CERKL: variants seen among roughly 807,000 people sequenced by gnomAD.
CERKL encodes the protein CERK like autophagy regulator.
A neutral mutation model predicts 63.4 loss-of-function variants in CERKL; 61 were observed. That is an observed-to-expected ratio of 0.96 (90% CI 0.78 to 1.19). The LOEUF (loss-of-function observed/expected upper bound fraction) is 1.19. Ranked by LOEUF, CERKL falls within the 50% of genes most tolerant of loss-of-function variation. The pLI, the probability that CERKL is intolerant of heterozygous loss-of-function variation, is 0.00. For missense variants in CERKL, 675 were observed against 655.5 expected (o/e 1.03, Z -0.33); for synonymous variants, 250 against 230.5 (o/e 1.08, Z -0.77).
chr2:181,638,787 T>C (rs1328465771), intron 1 of CERKL, among the ~76,000 whole-genome samples: 2 of 152,202 alleles, frequency 1.3e-5, no homozygotes, highest in East Asian at 3.9e-4. Flanking sequence ...GGACTCCTAA[T>C]GGGCAATCTT....
chr2:181,575,582 T>A (rs1419967768), intron 2 of CERKL, among the ~76,000 whole-genome samples: 3 of 152,064 alleles, frequency 2.0e-5, no homozygotes, highest in Admixed American at 2.0e-4. Context: ...CTGAGCAGGG[T>A]TTTTGGCTTG....
intron 1 of CERKL, chr2:181,617,433 A>T (rs1384326333): frequency 6.6e-6 from 1 of 152,228 alleles, no homozygotes; most frequent in Non-Finnish European, 1.5e-5. Context: ...TGGAAAATGA[A>T]CAAAGTGAGT....
At chr2:181,568,130 T>G (rs1688743461) in intron 3 of CERKL, among the ~76,000 whole-genome samples, 1 of 152,104 alleles carries the variant, frequency 6.6e-6, no homozygotes, top group Non-Finnish European at 1.5e-5. Flanking sequence ...GACAAGAAAG[T>G]CTTAAGGTTG....
chr2:181,538,351 C>G (rs556123921), intron 12 of CERKL, 107 bp from the exon 13 acceptor site: 3 of 672,882 alleles, frequency 4.5e-6, no homozygotes, highest in Non-Finnish European at 8.1e-6. Context: ...ATAACAAACA[C>G]AGCATTCCCA....
chr2:181,618,164 C>T (rs950734487), intron 1 of CERKL, among the ~76,000 whole-genome samples: 2 of 151,798 alleles, frequency 1.3e-5, no homozygotes, highest in Non-Finnish European at 2.9e-5. Context: ...ATGGGTGCAA[C>T]GTATGTTATT....
In CERKL at chr2:181,558,347, GAAT is replaced by G. The variant is rs1487006186; in HGVS notation, c.820+216_820+218del. Reference sequence around the variant, plus strand: ...TACTACAATAACCTTGTAATAAAGTGAATAATATATCTGTGATCCCTATTCTAT... The same window carrying G: ...TACTACAATAACCTTGTAATAAAGTGAATATATCTGTGATCCCTATTCTAT... On this transcript the variant is annotated intron_variant, in intron 5 of 12. Transcript: ENST00000410087. This position sits in a 1 kb window ranked among gnomAD's most constrained non-coding sequence, Gnocchi z 4.2. Among the ~76,000 whole-genome samples, 1 of 152,056 alleles carries G rather than the reference GAAT, an allele frequency of 6.6e-6. No homozygotes were observed. Among genetic ancestry groups the G allele is most frequent in the East Asian group, 1.9e-4 (1 of 5,184 alleles).
intron 2 of CERKL, among the ~76,000 whole-genome samples, chr2:181,577,830 A>C (rs1282305099): frequency 6.6e-6 from 1 of 152,126 alleles, no homozygotes. Context: ...TAGAGCTCTA[A>C]GAACTTGTCT....
In CERKL at chr2:181,657,061, G is replaced by A. The variant is rs1162821647; in HGVS notation, c.-55C>T. On this transcript the variant is annotated 5_prime_UTR_variant, in exon 1 of 13. Transcript: ENST00000410087. Reference sequence around the variant, plus strand: ...GGGTCCGGGGAGGCCTTTGGAGAAGGAGGTGGAGGGCGCGGCAGCCCCAGC... The same window carrying A: ...GGGTCCGGGGAGGCCTTTGGAGAAGAAGGTGGAGGGCGCGGCAGCCCCAGC... 5 of 1,464,032 alleles carry A rather than the reference G, an allele frequency of 3.4e-6. No homozygotes were observed. The highest frequency in any genetic ancestry group is 1.9e-5 in the Admixed American group (1 of 51,994). 90.7% of individuals were successfully genotyped at this position (1,464,032 alleles called of 1,614,324 possible).
chr2:181,610,179 G>C (rs577481165), intron 1 of CERKL, among the ~76,000 whole-genome samples: 1 of 152,140 alleles, frequency 6.6e-6, no homozygotes, highest in Non-Finnish European at 1.5e-5. Flanking sequence ...TAATGGTAAA[G>C]TACATAAAAG....
chr2:181,583,646 C>T (rs748817918), intron 2 of CERKL, among the ~76,000 whole-genome samples: 11 of 152,218 alleles, frequency 7.2e-5, no homozygotes, highest in Non-Finnish European at 1.2e-4. Flanking sequence ...GAAAGAGCAA[C>T]TGAATCAAAA....
Position 181,537,254 on chromosome 2 carries a change from G to GTTCT in CERKL, c.*926_*929dup, listed in dbSNP as rs1286985126. 2.2e-6 allele frequency: 1 copy of GTTCT among 453,604 alleles called. No homozygotes were observed. Among genetic ancestry groups the GTTCT allele is most frequent in the Admixed American group, 2.4e-5 (1 of 42,512 alleles). The allele number at this position is 453,604 out of a possible 1,614,324, so 28.1% of individuals were successfully genotyped here. A position where few individuals can be genotyped will look rare whatever the true frequency, so the allele number is the denominator to read the frequency against. On this transcript the variant is annotated 3_prime_UTR_variant, in exon 13 of 13. Transcript: ENST00000410087. ...TGGTCTCTAAGGAAATTTACATTTG[G>GTTCT]TTCTTTCCTACTCAGAACTACTCAG...
Position 181,642,642 on chromosome 2 carries a change from GA to G in CERKL, c.238+14126del, listed in dbSNP as rs1044727468. On this transcript the variant is annotated intron_variant, in intron 1 of 12. Transcript: ENST00000410087. ...TGAGTTGTGGCAGGAATACTCTTTT[GA>G]AAAAAACATAACATGAAATTTGTAA... Among the ~76,000 whole-genome samples the G allele has an allele frequency of 4.4e-4, 67 of 151,520 alleles. 1 individual carries two copies. The highest frequency in any genetic ancestry group is 6.8e-3 in the Middle Eastern group (2 of 294).
chr2:181,609,683 G>T (rs1210378889), intron 1 of CERKL, among the ~76,000 whole-genome samples: 1 of 151,890 alleles, frequency 6.6e-6, no homozygotes, highest in Non-Finnish European at 1.5e-5. Flanking sequence ...TCCAGCCTGG[G>T]TGACTGAAAC....
At chr2:181,634,210 T>C (rs1254929574) in intron 1 of CERKL, among the ~76,000 whole-genome samples, 1 of 152,106 alleles carries the variant, frequency 6.6e-6, no homozygotes, top group Non-Finnish European at 1.5e-5. Flanking sequence ...TATTGTAGAT[T>C]CACGTTAAAA....
chr2:181,600,667 T>G (rs1239559754), intron 2 of CERKL, among the ~76,000 whole-genome samples: 2 of 152,186 alleles, frequency 1.3e-5, no homozygotes, highest in Non-Finnish European at 2.9e-5. Flanking sequence ...TTAACTATCC[T>G]AAATAAATAT....
At chr2:181,544,948 T>A in intron 10 of CERKL, 152 bp from the exon 11 acceptor site, 1 of 535,710 alleles carries the variant, frequency 1.9e-6, no homozygotes, top group Non-Finnish European at 3.3e-6. Flanking sequence ...CTAAAATTCA[T>A]AAACCGTATC....
rs1688289399 is a variant in CERKL, at chr2:181,558,188, G to C, written c.820+378C>G. Among the ~76,000 whole-genome samples, 2 of 152,150 alleles carry C rather than the reference G, an allele frequency of 1.3e-5. No individual in the cohort carries two copies. Among genetic ancestry groups the C allele is most frequent in the African/African-American group, 4.8e-5 (2 of 41,436 alleles). On this transcript the variant is annotated intron_variant, in intron 5 of 12. Transcript: ENST00000410087. This position sits in a 1 kb window ranked among gnomAD's most constrained non-coding sequence, Gnocchi z 4.2. The stretch of plus-strand genomic sequence containing the variant: ...TATGGAATTGTAAGCAGCTAGACTG[G>C]AGTGGCCCTGTTTTGAAACTTCTTA...
chr2:181,644,082 C>T (rs1687564536), intron 1 of CERKL, among the ~76,000 whole-genome samples: 1 of 152,232 alleles, frequency 6.6e-6, no homozygotes, highest in African/African-American at 2.4e-5. Context: ...CCAGTATCAG[C>T]ACAAGCTAAG....
chr2:181,548,668 A>G lies in CERKL; in HGVS notation c.1073+12T>C. 6.2e-7 allele frequency: 1 copy of G among 1,613,794 alleles called. No homozygotes were observed. The highest frequency in any genetic ancestry group is 8.5e-7 in the Non-Finnish European group (1 of 1,179,808). ...CCTGGGATACAATTTTTGGTTTAAG[A>G]AAAAGACTTACTTAAGTTTTGCCAG... On this transcript the variant is annotated intron_variant, in intron 7 of 12. Coordinates refer to ENST00000410087, the MANE Select transcript of CERKL (RefSeq NM_201548.5).
Sources: gnomAD v4.1 joint callset for allele counts (sites outside exome capture counted in the v4.1 genomes callset) on GRCh38, gnomAD v4.1.1 for gene constraint, Gnocchi (gnomAD v3.1) non-coding constraint, MANE v1.5 for transcripts, NCBI Gene and HGNC (gene_info 2026-07-23, HGNC 2026-07-21) for gene names.